NPAS3: variants seen among roughly 807,000 people sequenced by gnomAD.
NPAS3 encodes the protein neuronal PAS domain-containing protein 3.
Under a neutral mutation model 73.1 loss-of-function variants are expected in NPAS3, and 14 were observed. The observed-to-expected ratio is 0.19, with a 90% CI of 0.13 to 0.30. The LOEUF is 0.30. Ranked by LOEUF, NPAS3 falls within the 10% of genes least tolerant of loss-of-function variation. The pLI, the probability that NPAS3 is intolerant of heterozygous loss-of-function variation, is 1.00. For synonymous variants in NPAS3, 620 were observed against 541.5 expected, an observed-to-expected ratio of 1.14 and a Z score of -2.01; for missense variants, 1,096 against 1,250.0, an observed-to-expected ratio of 0.88 and a Z score of 1.86.
intron 4 of NPAS3, among the ~76,000 whole-genome samples, chr14:33,536,747 A>G (rs916146481): frequency 6.6e-6 from 1 of 152,204 alleles, no homozygotes; most frequent in Non-Finnish European, 1.5e-5. Context: ...GTAAAAAGAT[A>G]ACCTTTCATA....
At chr14:33,655,101 CT>C (rs1464427959) in intron 5 of NPAS3, among the ~76,000 whole-genome samples, 1 of 152,164 alleles carries the variant, frequency 6.6e-6, no homozygotes, top group Non-Finnish European at 1.5e-5. Context: ...GTAGATAGAT[CT>C]TTTCAGTTCA....
At chr14:33,369,404 C>CTAAAAAAAAAA (rs2045981100) in intron 4 of NPAS3, among the ~76,000 whole-genome samples, 1 of 90,890 alleles carries the variant, frequency 1.1e-5, no homozygotes, top group Non-Finnish European at 2.2e-5. Flanking sequence ...GCCTCATTTC[C>CTAAAAAAAAAA]AAAAAAAAAA....
intron 2 of NPAS3, chr14:33,214,695 T>G (rs1054542673): frequency 4.5e-5 from 7 of 154,282 alleles, no homozygotes; most frequent in Non-Finnish European, 1.0e-4. Flanking sequence ...TGAATTGTAT[T>G]CGTGTTTACC....
intron 5 of NPAS3, among the ~76,000 whole-genome samples, chr14:33,672,736 GA>G (rs1288583995): frequency 6.6e-4 from 100 of 151,922 alleles, no homozygotes; most frequent in African/African-American, 2.2e-3. Context: ...GGTTTAGTGG[GA>G]AAAGTGGTGG....
chr14:33,733,349 C>T (rs918763115), intron 6 of NPAS3, among the ~76,000 whole-genome samples: 6 of 151,584 alleles, frequency 4.0e-5, no homozygotes, highest in South Asian at 4.2e-4. Flanking sequence ...TTCAAGCTCT[C>T]GGCATCCCTT....
At chr14:33,768,184 GC>G (rs1043220442) in intron 7 of NPAS3, among the ~76,000 whole-genome samples, 41 of 152,292 alleles carry the variant, frequency 2.7e-4, no homozygotes, top group African/African-American at 9.9e-4. Context: ...ACTGTTGCTG[GC>G]ATCCGGGCAG....
chr14:33,206,219 A>G (rs2046818259), intron 2 of NPAS3, among the ~76,000 whole-genome samples: 1 of 152,200 alleles, frequency 6.6e-6, no homozygotes, highest in South Asian at 2.1e-4. Context: ...GCAATATTGC[A>G]CATTAGTGAT....
intron 1 of NPAS3, among the ~76,000 whole-genome samples, chr14:32,944,465 TTAAATA>T (rs1161599418): frequency 6.6e-6 from 1 of 152,214 alleles, no homozygotes; most frequent in Non-Finnish European, 1.5e-5. Context: ...ATGTGAAACT[TTAAATA>T]TATCTATGAT....
intron 4 of NPAS3, among the ~76,000 whole-genome samples, chr14:33,416,658 T>A (rs906558042): frequency 2.0e-5 from 3 of 152,062 alleles, no homozygotes; most frequent in African/African-American, 7.2e-5. Context: ...TTAAAACTTT[T>A]ATTTCTTGCT....
At chr14:33,219,372 A>G (rs2047340395) in intron 3 of NPAS3, among the ~76,000 whole-genome samples, 1 of 152,222 alleles carries the variant, frequency 6.6e-6, no homozygotes. Context: ...ATCTAGGAAT[A>G]TTTACCATTG....
At chr14:33,758,008 C>T (rs1377019889) in intron 7 of NPAS3, among the ~76,000 whole-genome samples, 1 of 152,202 alleles carries the variant, frequency 6.6e-6, no homozygotes, top group Non-Finnish European at 1.5e-5. Context: ...GTTAATTAAA[C>T]ATTGAATGAA....
rs535213922 is a variant in NPAS3 at position 33,240,482 on chromosome 14, G to C, written c.385+25056G>C. 2.2e-3 allele frequency among the ~76,000 whole-genome samples: 327 copies of C among 151,616 alleles called. 13 individuals carry two copies. The South Asian group carries it at 0.065, about 30-fold the overall frequency. On this transcript the variant is annotated intron_variant, in intron 3 of 11. Coordinates refer to ENST00000356141, the Ensembl canonical transcript of NPAS3. Reference sequence around the variant, plus strand: ...TTACATGAAATAAAGCCTTCTTTTTGTGTTGATAGCCTTGTCTGTGAACGT... The same window carrying C: ...TTACATGAAATAAAGCCTTCTTTTTCTGTTGATAGCCTTGTCTGTGAACGT...
chr14:33,115,405 T>A (rs1405488748), intron 2 of NPAS3, among the ~76,000 whole-genome samples: 1 of 152,148 alleles, frequency 6.6e-6, no homozygotes, highest in Non-Finnish European at 1.5e-5. Context: ...TGCTTTTGCT[T>A]AGTGTATGTG....
chr14:33,071,582 C>T (rs564750368), intron 2 of NPAS3, among the ~76,000 whole-genome samples: 1 of 152,262 alleles, frequency 6.6e-6, no homozygotes, highest in African/African-American at 2.4e-5. Flanking sequence ...TATTCTAGAG[C>T]AGTGGGTAAA....
At chr14:33,151,747 G>C (rs2044452326) in intron 2 of NPAS3, among the ~76,000 whole-genome samples, 1 of 152,086 alleles carries the variant, frequency 6.6e-6, no homozygotes, top group East Asian at 1.9e-4. Flanking sequence ...GTAGGTGAGA[G>C]GATATGTTCC....
At chr14:33,277,426 TG>T (rs1021107335) in intron 3 of NPAS3, among the ~76,000 whole-genome samples, 1 of 152,134 alleles carries the variant, frequency 6.6e-6, no homozygotes, top group African/African-American at 2.4e-5. Flanking sequence ...AACAGGCAAA[TG>T]AACCAAACAA....
At chr14:33,185,729 C>T (rs1192727023) in intron 2 of NPAS3, among the ~76,000 whole-genome samples, 2 of 152,078 alleles carry the variant, frequency 1.3e-5, no homozygotes, top group African/African-American at 4.8e-5. Flanking sequence ...GTAATACTGG[C>T]CAAGGAAAAT....
At chr14:33,640,038 T>TA (rs2058633182) in intron 5 of NPAS3, among the ~76,000 whole-genome samples, 1 of 152,000 alleles carries the variant, frequency 6.6e-6, no homozygotes, top group African/African-American at 2.4e-5. Flanking sequence ...GCCAACATGA[T>TA]AAAACCCCAT....
chr14:33,349,000 C>T, intron 3 of NPAS3, among the ~76,000 whole-genome samples: 1 of 152,134 alleles, frequency 6.6e-6, no homozygotes. Flanking sequence ...GTGAGCCCTT[C>T]CAACCACGAG....
Sources: gnomAD v4.1 joint callset for allele counts (sites outside exome capture counted in the v4.1 genomes callset) on GRCh38, gnomAD v4.1.1 for gene constraint, MANE v1.5 for transcripts, NCBI Gene and HGNC (gene_info 2026-07-23, HGNC 2026-07-21) for gene names.